The following ZNF268 variants were observed in gnomAD, a reference collection of about 807,000 sequenced individuals.
ZNF268 encodes zinc finger protein 268, also known as zinc finger protein 3.
In ZNF268, 20 loss-of-function variants were observed where a neutral mutation model predicts 29.3. The ratio of observed to expected loss-of-function variants is 0.68; its 90% CI spans 0.48 to 0.99. The LOEUF is 0.99. ZNF268 is among the 50% of genes least tolerant of loss of function. The pLI is 0.00. For synonymous variants in ZNF268, 429 were observed against 376.9 expected, an observed-to-expected ratio of 1.14 and a Z score of -1.60; for missense variants, 1,240 against 1,121.6, an observed-to-expected ratio of 1.11 and a Z score of -1.51.
In ZNF268 at chr12:133,204,064, C is replaced by T. The variant is rs1163994067; in HGVS notation, c.2378C>T (p.Ser793Leu). The T allele has an allele frequency of 1.3e-6, 2 of 1,560,130 alleles. No individual in the cohort carries two copies. Among genetic ancestry groups the T allele is most frequent in the Non-Finnish European group, 1.7e-6 (2 of 1,155,644 alleles). The change falls in exon 6 of 6, where the codon TCA becomes TTA. Residue 793 changes from serine (S) to leucine (L), a missense_variant. By Grantham distance (145) the Ser-to-Leu change is moderately radical. Transcript: ENST00000536435. ...SECGKAFSSK[S>L]YLIIHMRTHS... is the part of the protein sequence containing the mutation. Reference sequence around the variant, plus strand: ...TGTGGGAAAGCTTTTAGCAGCAAGTCATACCTAATTATACACATGAGAACT... The same window carrying T: ...TGTGGGAAAGCTTTTAGCAGCAAGTTATACCTAATTATACACATGAGAACT...
chr12:133,210,281 A>T lies in ZNF268; in HGVS notation c.*5751A>T, dbSNP rs996965766. 6.4e-6 allele frequency: 1 copy of T among 156,234 alleles called. No individual in the cohort carries two copies. The highest frequency in any genetic ancestry group is 1.4e-5 in the Non-Finnish European group (1 of 70,332). 9.7% of individuals were successfully genotyped at this position (156,234 alleles called of 1,614,324 possible). ...TATGGAAGCTCTGGATCTCACTGTG[A>T]TGTATCCCCCTAGGGGGTCCCCAGG... is the stretch of plus-strand genomic sequence containing the variant. On this transcript the variant is annotated 3_prime_UTR_variant, in exon 6 of 6. Transcript: ENST00000536435.
Position 133,187,969 on chromosome 12 carries a change from C to G in ZNF268, c.131C>G (p.Pro44Arg). Residue 44 changes from proline (P) to arginine (R), a missense_variant, in exon 3 of 6, where the codon CCT (proline) becomes CGT (arginine). This residue lies in a region of ZNF268 where 51 missense variants were observed against 51.4 expected (regional missense o/e 0.99). Transcript: ENST00000536435. The part of the protein sequence containing the change: ...ILGQGTPGLQ[P>R]LPGTPRQKQK... ...GGCCAAGGGACTCCTGGTCTGCAACCTCTCCCTGGAACACCCAGGCAGAAG... is the reference window on the plus strand; with the variant it reads ...GGCCAAGGGACTCCTGGTCTGCAACGTCTCCCTGGAACACCCAGGCAGAAG... 6.3e-7 allele frequency: 1 copy of G among 1,599,304 alleles called. No homozygotes were observed. Among genetic ancestry groups the G allele is most frequent in the Non-Finnish European group, 8.5e-7 (1 of 1,172,596 alleles).
At chr12:133,200,792 G>T (rs1956734893) in intron 5 of ZNF268, among the ~76,000 whole-genome samples, 1 of 151,870 alleles carries the variant, frequency 6.6e-6, no homozygotes, top group Non-Finnish European at 1.5e-5. Context: ...TTTAACTCTT[G>T]TGGTAGTTAC....
Position 133,181,945 on chromosome 12 carries a change from GC to G in ZNF268, c.-52del, listed in dbSNP as rs1256944910. ...TTTCTTCACTGTGCTCTCTCTTCTA[GC>G]ATCCCTCGCGTCCTGTCACTTCCAG... is the stretch of plus-strand genomic sequence containing the variant. On this transcript the variant is annotated splice_region_variant and 5_prime_UTR_variant, in exon 2 of 6. Transcript: ENST00000536435. 2.1e-5 allele frequency: 32 copies of G among 1,548,726 alleles called. No individual in the cohort carries two copies. The highest frequency in any genetic ancestry group is 2.7e-5 in the African/African-American group (2 of 73,000).
chr12:133,202,662 C>T lies in ZNF268; in HGVS notation c.976C>T (p.His326Tyr). The T allele has an allele frequency of 6.2e-7, 1 of 1,606,672 alleles. No individual in the cohort carries two copies. The highest frequency in any genetic ancestry group is 8.5e-7 in the Non-Finnish European group (1 of 1,176,168). Residue 326 changes from histidine (H) to tyrosine (Y), a missense_variant, in exon 6 of 6, where the codon CAT becomes TAT. Transcript: ENST00000536435. The part of the protein sequence containing the change: ...KSYLIVHQRI[H>Y]TGEKLHECSE... ...ATACCTCATTGTACATCAGAGAATT[C>T]ATACAGGAGAGAAACTACATGAATG...
rs1380705118 is a variant in ZNF268, at chr12:133,212,725, G to A, written c.*8195G>A. ...TCCACATACTTGCCAATATTAATTAGTTTGTTTCTCTCTCATTTCATAGGC... is the reference window on the plus strand; with the variant it reads ...TCCACATACTTGCCAATATTAATTAATTTGTTTCTCTCTCATTTCATAGGC... On this transcript the variant is annotated 3_prime_UTR_variant, in exon 6 of 6. Transcript: ENST00000536435. 1 of 151,888 alleles carries A rather than the reference G, an allele frequency of 6.6e-6. No individual in the cohort carries two copies. The highest frequency in any genetic ancestry group is 1.5e-5 in the Non-Finnish European group (1 of 68,008). 9.4% of individuals were successfully genotyped at this position (151,888 alleles called of 1,614,324 possible). A position where few individuals can be genotyped will look rare whatever the true frequency, so the allele number is the denominator to read the frequency against.
chr12:133,184,698 C>T (rs1031671038), intron 2 of ZNF268: 25 of 451,498 alleles, frequency 5.5e-5, no homozygotes, highest in Non-Finnish European at 8.0e-5. Flanking sequence ...CTCACCACAA[C>T]GTCTGCTTCC....
At position 133,196,943 on chromosome 12, in the gene ZNF268, CT is replaced by C. The variant is rs1956615685; in HGVS notation, c.457+4941del. On this transcript the variant is annotated intron_variant, in intron 5 of 5. Transcript: ENST00000536435. The stretch of plus-strand genomic sequence containing the variant: ...ACTTGGAGTGAGATGTTAAGATCCC[CT>C]GATCTGCTCTGCTTTCTTTTTTTTT... Among the ~76,000 whole-genome samples the C allele has an allele frequency of 3.3e-5, 5 of 151,242 alleles. No individual in the cohort carries two copies. The South Asian group carries it at 8.4e-4, about 25-fold the overall frequency.
At chr12:133,199,062 C>A (rs1956687201) in intron 5 of ZNF268, among the ~76,000 whole-genome samples, 1 of 152,068 alleles carries the variant, frequency 6.6e-6, no homozygotes, top group African/African-American at 2.4e-5. Context: ...GCCAGAACTT[C>A]CAACACTGTG....
At chr12:133,199,618 T>C (rs1956701404) in intron 5 of ZNF268, among the ~76,000 whole-genome samples, 1 of 151,878 alleles carries the variant, frequency 6.6e-6, no homozygotes, top group South Asian at 2.1e-4. Context: ...ATAGTACCAG[T>C]TCCTCCTTGT....
At position 133,205,959 on chromosome 12, in the gene ZNF268, A is replaced by G. The variant is rs552162588; in HGVS notation, c.*1429A>G. Reference sequence around the variant, plus strand: ...TGTTCTGTGGTAGCATGTTGATGTAATAAGTAGCTATTTCAATAGAGGTTC... The same window carrying G: ...TGTTCTGTGGTAGCATGTTGATGTAGTAAGTAGCTATTTCAATAGAGGTTC... On this transcript the variant is annotated 3_prime_UTR_variant, in exon 6 of 6. Transcript: ENST00000536435. The G allele has an allele frequency of 6.6e-6, 1 of 152,330 alleles. No homozygotes were observed. Among genetic ancestry groups the G allele is most frequent in the African/African-American group, 2.4e-5 (1 of 41,580 alleles). The allele number at this position is 152,330 out of a possible 1,614,324, so 9.4% of individuals were successfully genotyped here. A position where few individuals can be genotyped will look rare whatever the true frequency, so the allele number is the denominator to read the frequency against.
Position 133,203,667 on chromosome 12 carries a change from G to T in ZNF268, c.1981G>T (p.Val661Leu), listed in dbSNP as rs1195083247. ...ATCACAGCTCATTGTACATAAAGGA[G>T]TGCACACTGGAGTAAAACCCTATGG... is the stretch of plus-strand genomic sequence containing the variant. ...FKSQLIVHKGVHTGVKPYGCS... is the reference protein window; with the variant it reads ...FKSQLIVHKGLHTGVKPYGCS... The change falls in exon 6 of 6, where the codon GTG becomes TTG. Residue 661 changes from valine (V) to leucine (L), a missense_variant. Physicochemically the swap from Val to Leu is conservative, Grantham distance 32 (BLOSUM62 1). This residue lies in a region of ZNF268 where 1,177 missense variants were observed against 1,039.6 expected (regional missense o/e 1.13). Transcript: ENST00000536435. 6.4e-7 allele frequency: 1 copy of T among 1,550,834 alleles called. No individual in the cohort carries two copies. Among genetic ancestry groups the T allele is most frequent in the African/African-American group, 1.4e-5 (1 of 73,260 alleles).
chr12:133,189,749 C>T (rs2135493477), intron 3 of ZNF268, among the ~76,000 whole-genome samples: 1 of 152,278 alleles, frequency 6.6e-6, no homozygotes, highest in East Asian at 1.9e-4. Flanking sequence ...TCTTTCCAAT[C>T]TGTATGCTGT....
Position 133,204,364 on chromosome 12 carries a change from G to A in ZNF268, c.2678G>A (p.Gly893Glu), listed in dbSNP as rs868058046. ...QRTHSGEKPYGCNECGKTFSQ... is the reference protein window; with the variant it reads ...QRTHSGEKPYECNECGKTFSQ... ...ACTCATTCAGGAGAGAAACCCTATG[G>A]GTGCAATGAATGTGGGAAAACCTTC... Residue 893 changes from glycine to glutamate, a missense_variant, in exon 6 of 6, where the codon GGG (glycine) becomes GAG (glutamate). Gly to Glu is a moderately conservative substitution (Grantham distance 98). This residue lies in a region of ZNF268 where 1,177 missense variants were observed against 1,039.6 expected (regional missense o/e 1.13). Coordinates refer to ENST00000536435, the MANE Select transcript of ZNF268 (RefSeq NM_003415.3). 1 of 1,570,690 alleles carries A rather than the reference G, an allele frequency of 6.4e-7. No homozygotes were observed. The highest frequency in any genetic ancestry group is 8.6e-7 in the Non-Finnish European group (1 of 1,162,218).
rs528975303 is a variant in ZNF268, at chr12:133,206,883, T to C, written c.*2353T>C. 6.6e-6 allele frequency: 1 copy of C among 152,338 alleles called. No homozygotes were observed. Among genetic ancestry groups the C allele is most frequent in the South Asian group, 2.1e-4 (1 of 4,830 alleles). The allele number at this position is 152,338 out of a possible 1,614,324, so 9.4% of individuals were successfully genotyped here. A position where few individuals can be genotyped will look rare whatever the true frequency, so the allele number is the denominator to read the frequency against. On this transcript the variant is annotated 3_prime_UTR_variant, in exon 6 of 6. Transcript: ENST00000536435. ...GTAAAGGTGTATATTATTATTGATG[T>C]ACCAAAGAAGACAGAATAAATTCAT...
In ZNF268 at chr12:133,205,942, G is replaced by A. The variant is rs1442438957; in HGVS notation, c.*1412G>A. ...AAAGCAACATGAGCTTTTGTTCTGTGGTAGCATGTTGATGTAATAAGTAGC... is the reference window on the plus strand; with the variant it reads ...AAAGCAACATGAGCTTTTGTTCTGTAGTAGCATGTTGATGTAATAAGTAGC... On this transcript the variant is annotated 3_prime_UTR_variant, in exon 6 of 6. Transcript: ENST00000536435. 6.6e-6 allele frequency: 1 copy of A among 152,164 alleles called. No homozygotes were observed. Among genetic ancestry groups the A allele is most frequent in the Non-Finnish European group, 1.5e-5 (1 of 68,036 alleles). The allele number at this position is 152,164 out of a possible 1,614,324, so 9.4% of individuals were successfully genotyped here. A position where few individuals can be genotyped will look rare whatever the true frequency, so the allele number is the denominator to read the frequency against.
intron 2 of ZNF268, among the ~76,000 whole-genome samples, chr12:133,183,823 G>T (rs537911423): frequency 1.3e-5 from 2 of 152,320 alleles, no homozygotes; most frequent in Admixed American, 6.5e-5. Context: ...GAGAAAGCAG[G>T]GGAAGAGGTG....
At chr12:133,188,239 C>G in intron 3 of ZNF268, 167 bp downstream of exon 3, 1 of 626,582 alleles carries the variant, frequency 1.6e-6, no homozygotes, top group Non-Finnish European at 2.7e-6. Context: ...GTCTGTTGCC[C>G]AGAGTGGAGC....
rs1315287623 is a variant in ZNF268, at chr12:133,202,521, A to G, written c.835A>G (p.Ser279Gly). The change falls in exon 6 of 6, where the codon AGC (serine) becomes GGC (glycine). Residue 279 changes from serine (S) to glycine (G), a missense_variant. By Grantham distance (56) the Ser-to-Gly change is moderately conservative. Coordinates refer to ENST00000536435, the MANE Select transcript of ZNF268 (RefSeq NM_003415.3). ...TATGGGCGAAAAACCCTTTGGATGC[A>G]GCTGTTGTGAGAAAGCCTTCAGCAG... ...MYMGEKPFGC[S>G]CCEKAFSSKS... The G allele has an allele frequency of 1.9e-6, 3 of 1,612,092 alleles. No homozygotes were observed. The highest frequency in any genetic ancestry group is 2.5e-6 in the Non-Finnish European group (3 of 1,179,112).
Sources: allele counts gnomAD v4.1 joint callset (sites outside exome capture counted in the v4.1 genomes callset), GRCh38; gene constraint gnomAD v4.1.1; regional missense constraint gnomAD v4.1.1; transcripts MANE v1.5; gene names NCBI Gene and HGNC (gene_info 2026-07-23, HGNC 2026-07-21).